LUZP2: variants seen among roughly 807,000 people sequenced by gnomAD.
LUZP2 encodes the protein leucine zipper protein 2.
LUZP2 carries 52 observed loss-of-function variants against 51.6 expected under a neutral mutation model. The observed-to-expected ratio is 1.01, with a 90% CI of 0.81 to 1.27. LUZP2 has a LOEUF of 1.27. LUZP2 is among the 50% of genes most tolerant of loss of function. LUZP2 has a pLI of 0.00. For synonymous variants in LUZP2, 154 were observed against 137.3 expected, an observed-to-expected ratio of 1.12 and a Z score of -0.85; for missense variants, 436 against 395.4, an observed-to-expected ratio of 1.10 and a Z score of -0.87.
chr11:24,929,286 C>G (rs1212073825), intron 7 of LUZP2, among the ~76,000 whole-genome samples: 1 of 151,986 alleles, frequency 6.6e-6, no homozygotes, highest in Non-Finnish European at 1.5e-5. Context: ...TCTTGTTTCT[C>G]TAGTTCCTTG....
intron 3 of LUZP2, among the ~76,000 whole-genome samples, chr11:24,732,815 T>G (rs1309267752): frequency 6.6e-6 from 1 of 151,698 alleles, no homozygotes; most frequent in African/African-American, 2.4e-5. Context: ...GCCCTTCTAG[T>G]AGGTTTGTAT....
intron 1 of LUZP2, among the ~76,000 whole-genome samples, chr11:24,589,580 C>G (rs1420098793): frequency 6.6e-6 from 1 of 152,128 alleles, no homozygotes; most frequent in African/African-American, 2.4e-5. Flanking sequence ...GCATAGAATA[C>G]ACTCGAAGGA....
At chr11:24,542,144 C>T (rs1183718333) in intron 1 of LUZP2, among the ~76,000 whole-genome samples, 2 of 151,976 alleles carry the variant, frequency 1.3e-5, no homozygotes, top group African/African-American at 4.8e-5. Context: ...ATAACCTGAA[C>T]ATAAATTAAA....
intron 9 of LUZP2, among the ~76,000 whole-genome samples, chr11:25,009,165 G>A (rs986578255): frequency 1.3e-5 from 2 of 152,156 alleles, no homozygotes; most frequent in African/African-American, 4.8e-5. Flanking sequence ...CAATTTTGAG[G>A]AGGGAGGAAC....
chr11:24,572,100 T>C (rs1590194874), intron 1 of LUZP2, among the ~76,000 whole-genome samples: 1 of 151,994 alleles, frequency 6.6e-6, no homozygotes, highest in South Asian at 2.1e-4. Flanking sequence ...AGCAGATATA[T>C]GGGACGGAAG....
At chr11:24,628,009 AT>A (rs1162493063) in intron 1 of LUZP2, among the ~76,000 whole-genome samples, 1 of 152,138 alleles carries the variant, frequency 6.6e-6, no homozygotes, top group African/African-American at 2.4e-5. Flanking sequence ...TGTCTGGGGC[AT>A]TTTCAGTCTT....
intron 1 of LUZP2, among the ~76,000 whole-genome samples, chr11:24,602,412 A>T (rs1457729717): frequency 7.1e-6 from 1 of 140,134 alleles, no homozygotes; most frequent in East Asian, 2.0e-4. Flanking sequence ...ACACACACAC[A>T]CACATACATC....
At chr11:24,931,622 T>C (rs1490987560) in intron 7 of LUZP2, among the ~76,000 whole-genome samples, 1 of 152,202 alleles carries the variant, frequency 6.6e-6, no homozygotes, top group Non-Finnish European at 1.5e-5. Context: ...TCTTTTTCCA[T>C]ATCCTTAGAC....
chr11:24,951,571 G>A (rs991197065), intron 7 of LUZP2, among the ~76,000 whole-genome samples: 52 of 151,294 alleles, frequency 3.4e-4, no homozygotes, highest in Non-Finnish European at 5.9e-4. Context: ...TTTGTGCTTC[G>A]GAGCCAATTA....
intron 1 of LUZP2, among the ~76,000 whole-genome samples, chr11:24,531,038 T>TA (rs1850976389): frequency 1.4e-5 from 2 of 146,768 alleles, no homozygotes; most frequent in African/African-American, 5.1e-5. Flanking sequence ...CTTTAGCCTC[T>TA]TTTATTATTA....
chr11:24,926,611 A>ATG (rs1565120651), intron 7 of LUZP2, among the ~76,000 whole-genome samples: 4 of 145,676 alleles, frequency 2.7e-5, no homozygotes, highest in African/African-American at 7.6e-5. Flanking sequence ...GTGTGTATAT[A>ATG]TGTATATATA....
chr11:24,816,320 G>A (rs1364774785), intron 5 of LUZP2, among the ~76,000 whole-genome samples: 2 of 151,672 alleles, frequency 1.3e-5, no homozygotes, highest in South Asian at 2.1e-4. Context: ...CTCTCTGATA[G>A]TGTCACCTCA....
chr11:24,704,472 G>A (rs1409217002), intron 1 of LUZP2, among the ~76,000 whole-genome samples: 1 of 151,266 alleles, frequency 6.6e-6, no homozygotes, highest in African/African-American at 2.4e-5. Flanking sequence ...TTACGGAGGA[G>A]TAACATGCTT....
At chr11:24,917,183 T>C (rs1158358702) in intron 7 of LUZP2, among the ~76,000 whole-genome samples, 1 of 152,218 alleles carries the variant, frequency 6.6e-6, no homozygotes, top group East Asian at 1.9e-4. Context: ...TGGGGTTGTT[T>C]GTTTTTTTCT....
chr11:24,792,477 C>A (rs1386749893), intron 5 of LUZP2, among the ~76,000 whole-genome samples: 1 of 151,582 alleles, frequency 6.6e-6, no homozygotes, highest in African/African-American at 2.4e-5. Flanking sequence ...CTGTTTTGTA[C>A]CATTTATTGG....
chr11:24,558,941 AG>A (rs1180240171), intron 1 of LUZP2, among the ~76,000 whole-genome samples: 1 of 152,174 alleles, frequency 6.6e-6, no homozygotes, highest in Non-Finnish European at 1.5e-5. Context: ...TAAATTACCC[AG>A]GCTCTGATAT....
At position 25,081,029 on chromosome 11, in the gene LUZP2, A is replaced by ATTTTTTTTTT. The variant is rs553696425; in HGVS notation, c.*2383_*2392dup. The ATTTTTTTTTT allele has an allele frequency of 1.3e-4, 13 of 100,710 alleles. No homozygotes were observed. The highest frequency in any genetic ancestry group is 2.3e-4 in the African/African-American group (6 of 26,544). 6.2% of individuals were successfully genotyped at this position (100,710 alleles called of 1,614,324 possible). A position where few individuals can be genotyped will look rare whatever the true frequency, so the allele number is the denominator to read the frequency against. On this transcript the variant is annotated 3_prime_UTR_variant, in exon 12 of 12. Coordinates refer to ENST00000336930, the MANE Select transcript of LUZP2 (RefSeq NM_001009909.4). ...ATCAAGTGGGCTTTGGATCCATATG[A>ATTTTTTTTTT]TTTTTTTTTTTTTTTTTTTTTGAGA...
chr11:24,780,725 TTGTC>T (rs1274512778), intron 5 of LUZP2, among the ~76,000 whole-genome samples: 1 of 152,150 alleles, frequency 6.6e-6, no homozygotes, highest in Non-Finnish European at 1.5e-5. Flanking sequence ...ACTGTCTTGT[TTGTC>T]TGTTCATTTT....
At chr11:24,810,834 G>T (rs1849997152) in intron 5 of LUZP2, among the ~76,000 whole-genome samples, 1 of 152,086 alleles carries the variant, frequency 6.6e-6, no homozygotes, top group African/African-American at 2.4e-5. Context: ...ACTCCGAAGA[G>T]GTACCAAGTG....
Sources: allele counts gnomAD v4.1 joint callset (sites outside exome capture counted in the v4.1 genomes callset), GRCh38; gene constraint gnomAD v4.1.1; transcripts MANE v1.5; gene names NCBI Gene and HGNC (gene_info 2026-07-23, HGNC 2026-07-21).